Variants in TEAD1 observed in about 807,000 individuals in gnomAD.
TEAD1 encodes transcriptional enhancer factor TEF-1.
Under a neutral mutation model 54.9 loss-of-function variants are expected in TEAD1, and 9 were observed. The observed-to-expected ratio is 0.16, with a 90% CI of 0.10 to 0.29. The LOEUF (loss-of-function observed/expected upper bound fraction) is 0.29, where lower values mean the gene tolerates loss of function less well. Ranked by LOEUF, TEAD1 falls within the 10% of genes least tolerant of loss-of-function variation. The pLI is 1.00. For synonymous variants in TEAD1, 200 were observed against 187.8 expected, an observed-to-expected ratio of 1.07 and a Z score of -0.53; for missense variants, 387 against 535.9, an observed-to-expected ratio of 0.72 and a Z score of 2.74.
intron 3 of TEAD1, among the ~76,000 whole-genome samples, chr11:12,779,100 A>G (rs976315257): frequency 6.6e-6 from 1 of 152,136 alleles, no homozygotes; most frequent in African/African-American, 2.4e-5. Flanking sequence ...GATGTTTCTA[A>G]GTGGTAGGGG....
At chr11:12,683,588 G>C (rs149113430) in intron 2 of TEAD1, among the ~76,000 whole-genome samples, 74 of 152,132 alleles carry the variant, frequency 4.9e-4, no homozygotes, top group African/African-American at 1.4e-3. Flanking sequence ...AGGAACAGGG[G>C]GATTTTTTCC....
intron 2 of TEAD1, among the ~76,000 whole-genome samples, chr11:12,756,814 A>G (rs1009168850): frequency 6.6e-6 from 1 of 152,176 alleles, no homozygotes; most frequent in Non-Finnish European, 1.5e-5. Flanking sequence ...GGATAATACT[A>G]AAGGGGGAAG....
chr11:12,816,140 C>G (rs1367137073), intron 3 of TEAD1, among the ~76,000 whole-genome samples: 3 of 152,206 alleles, frequency 2.0e-5, no homozygotes, highest in Non-Finnish European at 4.4e-5. Flanking sequence ...TGAGCCTTCC[C>G]ACTTTGCACT....
At chr11:12,741,369 C>G (rs1396555363) in intron 2 of TEAD1, among the ~76,000 whole-genome samples, 1 of 151,962 alleles carries the variant, frequency 6.6e-6, no homozygotes, top group Non-Finnish European at 1.5e-5. Flanking sequence ...GTTAGGATTG[C>G]TAGGTCAAAG....
chr11:12,732,165 C>T (rs1018375097), intron 2 of TEAD1, among the ~76,000 whole-genome samples: 1 of 151,924 alleles, frequency 6.6e-6, no homozygotes, highest in Non-Finnish European at 1.5e-5. Context: ...GTCATTATAT[C>T]CTTTGAGATA....
intron 6 of TEAD1, among the ~76,000 whole-genome samples, chr11:12,880,057 G>T (rs1947935650): frequency 6.6e-6 from 1 of 152,152 alleles, no homozygotes; most frequent in Admixed American, 6.5e-5. Flanking sequence ...GGAGAAGGAG[G>T]AGGAGAGGAA....
chr11:12,851,055 TTTC>T (rs1947263565), intron 3 of TEAD1: 1 of 960,038 alleles, frequency 1.0e-6, no homozygotes, highest in Non-Finnish European at 1.2e-6. Flanking sequence ...TTCTAGATCT[TTTC>T]TTCGGATTTT....
intron 6 of TEAD1, 22 bp downstream of exon 6, chr11:12,879,864 G>C (rs534014490): frequency 1.2e-6 from 2 of 1,612,486 alleles, no homozygotes; most frequent in Non-Finnish European, 1.7e-6. Context: ...GCTCAGTCCA[G>C]TAATGACAGC....
rs935004148 is a variant in TEAD1 at position 12,873,217 on chromosome 11, G to A, written c.331-6491G>A. Among the ~76,000 whole-genome samples, 14 of 152,324 alleles carry A rather than the reference G, an allele frequency of 9.2e-5. No homozygotes were observed. The South Asian group carries it at 1.2e-3, about 14-fold the overall frequency. On this transcript the variant is annotated intron_variant, in intron 5 of 12. Transcript: ENST00000527636. The stretch of plus-strand genomic sequence containing the variant: ...CTCTGGAGCTTAACTTGAGCCTGGA[G>A]CCAGTTTAGGTTCCTCTGGCCCCTT...
intron 3 of TEAD1, among the ~76,000 whole-genome samples, chr11:12,795,509 G>A (rs1188847654): frequency 6.6e-6 from 1 of 152,210 alleles, no homozygotes; most frequent in Non-Finnish European, 1.5e-5. Context: ...ATTAGGCAGT[G>A]TTGGGACCAG....
intron 2 of TEAD1, among the ~76,000 whole-genome samples, chr11:12,746,165 C>G (rs985821337): frequency 6.6e-6 from 1 of 152,188 alleles, no homozygotes; most frequent in Non-Finnish European, 1.5e-5. Flanking sequence ...GCACATCAAG[C>G]TAGCAGCATT....
intron 3 of TEAD1, among the ~76,000 whole-genome samples, chr11:12,790,346 T>G (rs1945772289): frequency 6.6e-6 from 1 of 152,162 alleles, no homozygotes; most frequent in Non-Finnish European, 1.5e-5. Context: ...TTTTACCTCT[T>G]GGGGTTCATT....
At chr11:12,809,411 A>T (rs1371261230) in intron 3 of TEAD1, among the ~76,000 whole-genome samples, 1 of 152,164 alleles carries the variant, frequency 6.6e-6, no homozygotes, top group East Asian at 1.9e-4. Flanking sequence ...TAAGGGTAAG[A>T]TGCTGCATTT....
At chr11:12,765,194 C>A (rs1286490779) in intron 3 of TEAD1, among the ~76,000 whole-genome samples, 1 of 152,118 alleles carries the variant, frequency 6.6e-6, no homozygotes, top group African/African-American at 2.4e-5. Context: ...CAGCAAGGAT[C>A]CACCTGCCGG....
chr11:12,859,640 G>A (rs949999829), intron 3 of TEAD1, among the ~76,000 whole-genome samples: 2 of 152,198 alleles, frequency 1.3e-5, no homozygotes, highest in African/African-American at 4.8e-5. Flanking sequence ...GCTTAGAAAA[G>A]CAATCCTCAA....
intron 2 of TEAD1, among the ~76,000 whole-genome samples, chr11:12,680,333 TCCGACTTTCGTCCAG>T (rs1329751865): frequency 1.3e-5 from 2 of 152,252 alleles, no homozygotes; most frequent in Non-Finnish European, 2.9e-5. Flanking sequence ...AGATGGGCCT[TCCGACTTTCGTCCAG>T]CCTGACTCCT....
At chr11:12,697,289 G>A (rs1305409372) in intron 2 of TEAD1, among the ~76,000 whole-genome samples, 1 of 152,246 alleles carries the variant, frequency 6.6e-6, no homozygotes, top group African/African-American at 2.4e-5. Flanking sequence ...AGGGAATCTC[G>A]AAAATCAGAG....
intron 3 of TEAD1, among the ~76,000 whole-genome samples, chr11:12,861,233 T>C (rs893656040): frequency 6.6e-6 from 1 of 152,254 alleles, no homozygotes; most frequent in Admixed American, 6.5e-5. Context: ...CATTCTCTGC[T>C]TAGCTTCTGG....
chr11:12,681,761 C>T (rs1266201715), intron 2 of TEAD1, among the ~76,000 whole-genome samples: 3 of 152,280 alleles, frequency 2.0e-5, no homozygotes, highest in Non-Finnish European at 4.4e-5. Flanking sequence ...CTGCCCCGCT[C>T]CTGTCTCCCG....
Sources: gnomAD v4.1 joint callset for allele counts (sites outside exome capture counted in the v4.1 genomes callset) on GRCh38, gnomAD v4.1.1 for gene constraint, MANE v1.5 for transcripts, NCBI Gene and HGNC (gene_info 2026-07-23, HGNC 2026-07-21) for gene names.